The following XRN1 variants were observed in gnomAD, a reference collection of about 807,000 sequenced individuals.
XRN1 encodes 5'-3' exoribonuclease 1, also known as strand-exchange protein 1 homolog.
Under a neutral mutation model 222.3 loss-of-function variants are expected in XRN1, and 67 were observed. That is an observed-to-expected ratio of 0.30 (90% CI 0.25 to 0.37). The LOEUF (loss-of-function observed/expected upper bound fraction) is 0.37. Among genes scored for constraint, XRN1 ranks in the 10% least tolerant of loss-of-function variants. The pLI, the probability that XRN1 is intolerant of heterozygous loss-of-function variation, is 1.00. For synonymous variants in XRN1, 643 were observed against 652.4 expected (o/e 0.99, Z 0.22); for missense variants, 1,707 against 2,000.2 (o/e 0.85, Z 2.80).
intron 14 of XRN1, among the ~76,000 whole-genome samples, chr3:142,413,028 C>A (rs2108069451): frequency 6.6e-6 from 1 of 152,188 alleles, no homozygotes; most frequent in East Asian, 1.9e-4. Flanking sequence ...TCTAGTAGTT[C>A]TCTATTTTTA....
intron 37 of XRN1, among the ~76,000 whole-genome samples, chr3:142,327,710 G>A (rs543014272): frequency 2.1e-4 from 32 of 152,128 alleles, no homozygotes; most frequent in Non-Finnish European, 4.1e-4. Flanking sequence ...GGGTGCGAGT[G>A]CAGTTTTGTT....
At chr3:142,389,815 C>T (rs1043826180) in intron 20 of XRN1, among the ~76,000 whole-genome samples, 11 of 152,186 alleles carry the variant, frequency 7.2e-5, no homozygotes, top group Admixed American at 5.2e-4. Context: ...CCACTGTGCC[C>T]GGCCAAAAAT....
Position 142,397,455 on chromosome 3 carries a change from T to A in XRN1, c.2213A>T (p.Tyr738Phe), listed in dbSNP as rs2067972755. The A allele has an allele frequency of 6.3e-7, 1 of 1,599,342 alleles. No homozygotes were observed. Among genetic ancestry groups the A allele is most frequent in the Non-Finnish European group, 8.5e-7 (1 of 1,173,196 alleles). The change falls in exon 20 of 41, where the codon TAC becomes TTC. Residue 738 changes from tyrosine (Y) to phenylalanine (F), a missense_variant. Physicochemically the swap from Tyr to Phe is conservative, Grantham distance 22. Coordinates refer to ENST00000392981, the MANE Select transcript of XRN1 (RefSeq NM_001282857.2). ...VAVSDGETKF[Y>F]LEEPPGTQKL... is the part of the protein sequence containing the mutation. ...CTGTGTTCCTGGAGGTTCTTCCAAG[T>A]AAAACCTTAAGAGTTAAAATAAAAA...
intron 25 of XRN1, among the ~76,000 whole-genome samples, chr3:142,372,059 C>A (rs1016705911): frequency 1.3e-5 from 2 of 152,124 alleles, no homozygotes; most frequent in Non-Finnish European, 2.9e-5. Flanking sequence ...GTTCCAGGTA[C>A]ATTTGAAAGT....
rs192646285 is a variant in XRN1, at chr3:142,391,269, C to T, written c.2339+6060G>A. ...CTCTGAAGCACAATAAAGAGAAGCA[C>T]AATAAAACAAGGTATGGCTGTATTT... On this transcript the variant is annotated intron_variant, in intron 20 of 40. Transcript: ENST00000392981. Among the ~76,000 whole-genome samples, 63 of 152,132 alleles carry T rather than the reference C, an allele frequency of 4.1e-4. No individual in the cohort carries two copies. In the Middle Eastern group the frequency reaches 0.017, roughly 41 times the overall value.
In XRN1 at chr3:142,448,033, C is replaced by A; in HGVS notation, c.-89G>T. The A allele has an allele frequency of 7.2e-7, 1 of 1,388,668 alleles. No individual in the cohort carries two copies. The highest frequency in any genetic ancestry group is 1.0e-6 in the Non-Finnish European group (1 of 989,200). 86.0% of individuals were successfully genotyped at this position (1,388,668 alleles called of 1,614,324 possible). On this transcript the variant is annotated 5_prime_UTR_variant, in exon 1 of 41. Transcript: ENST00000392981. ...GCCGCAGCCTCCGGTCGTCGCTCCGCGGATGACAACACACCGCCCGGCCGA... is the reference window on the plus strand; with the variant it reads ...GCCGCAGCCTCCGGTCGTCGCTCCGAGGATGACAACACACCGCCCGGCCGA...
intron 20 of XRN1, among the ~76,000 whole-genome samples, chr3:142,396,181 A>T (rs1217734315): frequency 2.0e-5 from 3 of 152,226 alleles, no homozygotes; most frequent in African/African-American, 7.2e-5. Flanking sequence ...ATACATTGAT[A>T]TTCACATATC....
intron 39 of XRN1, 67 bp from the exon 40 acceptor site, chr3:142,312,825 C>A (rs1577198911): frequency 1.3e-6 from 2 of 1,494,056 alleles, no homozygotes; most frequent in East Asian, 2.3e-5. Flanking sequence ...AAATTTGAGA[C>A]CTCCTTCTGC....
At chr3:142,394,830 GA>G (rs999021571) in intron 20 of XRN1, among the ~76,000 whole-genome samples, 4 of 151,790 alleles carry the variant, frequency 2.6e-5, no homozygotes, top group African/African-American at 9.7e-5. Flanking sequence ...ATTTTCATCA[GA>G]AAAAAAATTT....
chr3:142,389,235 C>T (rs1030845936), intron 20 of XRN1, among the ~76,000 whole-genome samples: 2 of 152,002 alleles, frequency 1.3e-5, no homozygotes, highest in African/African-American at 4.8e-5. Flanking sequence ...AACAAAGAAG[C>T]AATTCCTCAT....
At chr3:142,329,111 A>G (rs1323744549) in intron 37 of XRN1, among the ~76,000 whole-genome samples, 3 of 151,930 alleles carry the variant, frequency 2.0e-5, no homozygotes, top group African/African-American at 7.2e-5. Flanking sequence ...AGTAAACAAA[A>G]TCTCTTTGGG....
chr3:142,345,668 A>T (rs1017731736), intron 33 of XRN1, among the ~76,000 whole-genome samples: 1 of 152,236 alleles, frequency 6.6e-6, no homozygotes, highest in Admixed American at 6.5e-5. Context: ...GAAGCATGTA[A>T]TATCTAGCAT....
chr3:142,376,201 A>G (rs1218918041), intron 24 of XRN1: 8 of 663,420 alleles, frequency 1.2e-5, no homozygotes, highest in Non-Finnish European at 2.3e-6. Context: ...AAATGAAATA[A>G]CAAGATGCAA....
chr3:142,402,269 A>C (rs2068172363), intron 18 of XRN1, among the ~76,000 whole-genome samples: 1 of 151,352 alleles, frequency 6.6e-6, no homozygotes, highest in Non-Finnish European at 1.5e-5. Flanking sequence ...TGCCACGTCC[A>C]CCTCCTGGGT....
chr3:142,425,017 A>G (rs2069189895), intron 5 of XRN1, among the ~76,000 whole-genome samples: 1 of 152,182 alleles, frequency 6.6e-6, no homozygotes, highest in Non-Finnish European at 1.5e-5. Context: ...CTGTAGACTA[A>G]TTATAGAGAT....
intron 2 of XRN1, among the ~76,000 whole-genome samples, chr3:142,427,118 C>T (rs1289536443): frequency 2.0e-5 from 3 of 152,010 alleles, no homozygotes; most frequent in Non-Finnish European, 4.4e-5. Context: ...ACAATTGAGT[C>T]TAGGAGTTCA....
chr3:142,379,424 G>GT (rs1186639209), intron 23 of XRN1, among the ~76,000 whole-genome samples: 1 of 152,218 alleles, frequency 6.6e-6, no homozygotes, highest in East Asian at 1.9e-4. Flanking sequence ...AGCTACTGGA[G>GT]TAAGTGCTCC....
chr3:142,312,554 C>A, intron 40 of XRN1, 44 bp downstream of exon 40: 1 of 1,449,974 alleles, frequency 6.9e-7, no homozygotes, highest in Non-Finnish European at 9.1e-7. Context: ...AATAGTCTTT[C>A]AGCATTAAAC....
At chr3:142,413,318 G>A (rs1020160482) in intron 14 of XRN1, among the ~76,000 whole-genome samples, 8 of 152,130 alleles carry the variant, frequency 5.3e-5, no homozygotes, top group South Asian at 2.1e-4. Flanking sequence ...ACCGTAAAAC[G>A]CATGGTCATG....
Sources: allele counts gnomAD v4.1 joint callset (sites outside exome capture counted in the v4.1 genomes callset), GRCh38; gene constraint gnomAD v4.1.1; transcripts MANE v1.5; gene names NCBI Gene and HGNC (gene_info 2026-07-23, HGNC 2026-07-21).